The following ASAP1 variants were observed in gnomAD, a reference collection of about 807,000 sequenced individuals.
The protein encoded by ASAP1 is ArfGAP with SH3 domain, ankyrin repeat and PH domain 1.
A neutral mutation model predicts 145.2 loss-of-function variants in ASAP1; 43 were observed. The ratio of observed to expected loss-of-function variants is 0.30; its 90% CI spans 0.23 to 0.38. ASAP1 has a LOEUF of 0.38. Ranked by LOEUF, ASAP1 falls within the 10% of genes least tolerant of loss-of-function variation. The pLI, the probability that ASAP1 is intolerant of heterozygous loss-of-function variation, is 1.00. For synonymous variants in ASAP1, 546 were observed against 515.5 expected (o/e 1.06, Z -0.80); for missense variants, 1,018 against 1,355.3 (o/e 0.75, Z 3.91).
chr8:130,160,606 T>C (rs910403798), intron 11 of ASAP1, among the ~76,000 whole-genome samples: 1 of 152,206 alleles, frequency 6.6e-6, no homozygotes, highest in Non-Finnish European at 1.5e-5. Context: ...AAAAGGTTGA[T>C]TTATTATTAG....
At position 130,121,964 on chromosome 8, in the gene ASAP1, T is replaced by C. The variant is rs540962158; in HGVS notation, c.1607+2049A>G. On this transcript the variant is annotated intron_variant, in intron 18 of 29. Coordinates refer to ENST00000518721, the MANE Select transcript of ASAP1 (RefSeq NM_018482.4). Reference sequence around the variant, plus strand: ...CCCAGCATTCCCCTGCATCTCCCTCTTGCTCAGTTCTCTCCCGCCACATCT... The same window carrying C: ...CCCAGCATTCCCCTGCATCTCCCTCCTGCTCAGTTCTCTCCCGCCACATCT... Among the ~76,000 whole-genome samples the C allele has an allele frequency of 1.4e-4, 21 of 152,208 alleles. No homozygotes were observed. The South Asian group carries it at 3.5e-3, about 26-fold the overall frequency.
intron 5 of ASAP1, among the ~76,000 whole-genome samples, chr8:130,203,213 G>A (rs1410603237): frequency 6.6e-6 from 1 of 152,190 alleles, no homozygotes; most frequent in Non-Finnish European, 1.5e-5. Flanking sequence ...CAAAGTCCAT[G>A]CTCAAATAAA....
intron 12 of ASAP1, among the ~76,000 whole-genome samples, chr8:130,156,013 C>T (rs935325067): frequency 6.6e-6 from 1 of 152,164 alleles, no homozygotes; most frequent in African/African-American, 2.4e-5. Flanking sequence ...ACTCATTCTC[C>T]TTTTCTGTAT....
In ASAP1 at chr8:130,079,986, G is replaced by GC; in HGVS notation, c.2573-16_2573-15insG. The GC allele has an allele frequency of 5.0e-6, 8 of 1,611,702 alleles. No homozygotes were observed. Among genetic ancestry groups the GC allele is most frequent in the Non-Finnish European group, 6.8e-6 (8 of 1,177,830 alleles). ...CCCATCGTTACCTACAAGGAAAACCGAAGGTGAAAAGGTATGTCTTTAGAT... is the reference window on the plus strand; with the variant it reads ...CCCATCGTTACCTACAAGGAAAACCGCAAGGTGAAAAGGTATGTCTTTAGAT... On this transcript the variant is annotated splice_polypyrimidine_tract_variant and intron_variant, in intron 25 of 29. Transcript: ENST00000518721.
chr8:130,093,108 TA>T (rs773462101), intron 24 of ASAP1, among the ~76,000 whole-genome samples: 1 of 151,776 alleles, frequency 6.6e-6, no homozygotes, highest in Non-Finnish European at 1.5e-5. Context: ...TTTTATAGAC[TA>T]AAAAAAAGAC....
At position 130,107,327 on chromosome 8, in the gene ASAP1, C is replaced by T. The variant is rs193291532; in HGVS notation, c.2401+4767G>A. On this transcript the variant is annotated intron_variant, in intron 24 of 29. Coordinates refer to ENST00000518721, the MANE Select transcript of ASAP1 (RefSeq NM_018482.4). The stretch of plus-strand genomic sequence containing the variant: ...CCTCCCAAGTAGCTGGGACTACAGG[C>T]GTCCTCCACCACACCCGGCTAATTT... 3.4e-3 allele frequency among the ~76,000 whole-genome samples: 521 copies of T among 151,558 alleles called. 5 individuals carry two copies. The highest frequency in any genetic ancestry group is 0.012 in the African/African-American group (501 of 41,312).
At chr8:130,368,228 G>C (rs1183989760) in intron 2 of ASAP1, among the ~76,000 whole-genome samples, 1 of 152,130 alleles carries the variant, frequency 6.6e-6, no homozygotes, top group Non-Finnish European at 1.5e-5. Flanking sequence ...TATTTACATA[G>C]ACAGCAGAGA....
chr8:130,185,696 T>A (rs1814667864), intron 7 of ASAP1, among the ~76,000 whole-genome samples: 1 of 127,598 alleles, frequency 7.8e-6, no homozygotes, highest in Admixed American at 9.7e-5. Flanking sequence ...GCCACTGAAC[T>A]CTAGCCTGGG....
chr8:130,343,562 C>T (rs1209581856), intron 3 of ASAP1, among the ~76,000 whole-genome samples: 1 of 152,186 alleles, frequency 6.6e-6, no homozygotes, highest in Non-Finnish European at 1.5e-5. Flanking sequence ...AAGGCAAAGA[C>T]CACCATTCTG....
At chr8:130,129,170 G>T (rs559264011) in intron 15 of ASAP1, among the ~76,000 whole-genome samples, 46 of 152,256 alleles carry the variant, frequency 3.0e-4, no homozygotes, top group African/African-American at 1.1e-3. Flanking sequence ...CACCATAATT[G>T]TAAGTCTCCT....
intron 3 of ASAP1, among the ~76,000 whole-genome samples, chr8:130,304,216 C>T (rs1308315915): frequency 6.6e-6 from 1 of 150,990 alleles, no homozygotes; most frequent in Admixed American, 6.6e-5. Flanking sequence ...AAAAAAGAAA[C>T]GGCTCCTAGA....
intron 23 of ASAP1, 33 bp from the exon 24 acceptor site, chr8:130,112,355 T>C: frequency 6.3e-7 from 1 of 1,591,566 alleles, no homozygotes; most frequent in Non-Finnish European, 8.6e-7. Context: ...GAGATAATAA[T>C]CAAGGACCAC....
chr8:130,223,564 T>C (rs541006721), intron 4 of ASAP1, among the ~76,000 whole-genome samples: 12 of 152,338 alleles, frequency 7.9e-5, no homozygotes, highest in African/African-American at 2.9e-4. Flanking sequence ...TTTCTGTTTA[T>C]AAACTGTGAT....
At chr8:130,091,516 C>T (rs945929266) in intron 25 of ASAP1, among the ~76,000 whole-genome samples, 1 of 152,176 alleles carries the variant, frequency 6.6e-6, no homozygotes, top group Non-Finnish European at 1.5e-5. Flanking sequence ...TCATGCAGGG[C>T]CCTGTGGGCC....
chr8:130,385,953 G>T lies in ASAP1; in HGVS notation c.59+15932C>A, dbSNP rs185246121. ...AAGTCTGGGAATGATCAGGTGACAT[G>T]GGCTTGTCCAATCAGAATAGTCCAT... On this transcript the variant is annotated intron_variant, in intron 2 of 29. Transcript: ENST00000518721. 2.3e-4 allele frequency among the ~76,000 whole-genome samples: 35 copies of T among 152,296 alleles called. No homozygotes were observed. In the East Asian group the frequency reaches 6.8e-3, roughly 29 times the overall value.
intron 3 of ASAP1, among the ~76,000 whole-genome samples, chr8:130,356,383 A>T (rs1184083673): frequency 6.6e-6 from 1 of 152,202 alleles, no homozygotes; most frequent in Non-Finnish European, 1.5e-5. Context: ...AGAAGTATAT[A>T]CAATTAGTAC....
chr8:130,261,526 TG>T (rs1565147847), intron 3 of ASAP1, among the ~76,000 whole-genome samples: 1 of 152,090 alleles, frequency 6.6e-6, no homozygotes, highest in Non-Finnish European at 1.5e-5. Context: ...GCAAGTGGCT[TG>T]GGGTAGGCTT....
chr8:130,118,319 G>T, intron 19 of ASAP1, 73 bp from the exon 20 acceptor site: 2 of 1,463,922 alleles, frequency 1.4e-6, no homozygotes, highest in Non-Finnish European at 1.9e-6. Flanking sequence ...TATATCAGTT[G>T]CCCCCAAGTA....
At chr8:130,403,608 A>C (rs1483620564) in intron 1 of ASAP1, among the ~76,000 whole-genome samples, 1 of 139,552 alleles carries the variant, frequency 7.2e-6, no homozygotes, top group Admixed American at 7.7e-5. Flanking sequence ...ACTGGAGTGC[A>C]GTGGCGCGAT....
Sources: allele counts gnomAD v4.1 joint callset (sites outside exome capture counted in the v4.1 genomes callset), GRCh38; gene constraint gnomAD v4.1.1; transcripts MANE v1.5; gene names NCBI Gene and HGNC (gene_info 2026-07-23, HGNC 2026-07-21).